Variants in BLK observed in about 807,000 individuals in gnomAD.
BLK encodes the protein BLK proto-oncogene, Src family tyrosine kinase.
A neutral mutation model predicts 61.8 loss-of-function variants in BLK; 64 were observed. That is an observed-to-expected ratio of 1.03 (90% confidence interval 0.85 to 1.27). The LOEUF is 1.27. BLK is among the 50% of genes most tolerant of loss of function. The pLI is 0.00. For missense variants in BLK, 853 were observed against 660.5 expected, an observed-to-expected ratio of 1.29 and a Z score of -3.19; for synonymous variants, 351 against 272.0, an observed-to-expected ratio of 1.29 and a Z score of -2.86.
At chr8:11,562,817 G>C (rs545981661) in intron 11 of BLK, among the ~76,000 whole-genome samples, 162 bp from the exon 12 acceptor site, 1 of 152,358 alleles carries the variant, frequency 6.6e-6, no homozygotes, top group African/African-American at 2.4e-5. Flanking sequence ...CATGTGTCCT[G>C]GTGTGCGGTA....
chr8:11,549,157 T>G (rs749084676), intron 5 of BLK, 35 bp downstream of exon 5: 29 of 1,545,256 alleles, frequency 1.9e-5, no homozygotes, highest in Non-Finnish European at 2.6e-5. Context: ...CGAGCCAAGA[T>G]GCAGTCACTG....
intron 1 of BLK, among the ~76,000 whole-genome samples, chr8:11,494,947 T>A (rs1798310016): frequency 6.6e-6 from 1 of 152,208 alleles, no homozygotes; most frequent in African/African-American, 2.4e-5. Context: ...GGCCTCTTGA[T>A]AGGAGGTGAT....
At chr8:11,500,278 C>T (rs914726136) in intron 1 of BLK, among the ~76,000 whole-genome samples, 1 of 152,142 alleles carries the variant, frequency 6.6e-6, no homozygotes, top group Non-Finnish European at 1.5e-5. Context: ...ACTACATCCT[C>T]CGCCTCCCGG....
intron 1 of BLK, among the ~76,000 whole-genome samples, chr8:11,517,107 T>C (rs539261420): frequency 7.2e-5 from 11 of 152,242 alleles, no homozygotes; most frequent in Non-Finnish European, 1.3e-4. Context: ...GTGGGCTGCC[T>C]TTGGGAATAG....
chr8:11,531,708 T>C (rs2117381011), intron 1 of BLK, among the ~76,000 whole-genome samples: 1 of 152,284 alleles, frequency 6.6e-6, no homozygotes, highest in Non-Finnish European at 1.5e-5. Flanking sequence ...TGCGTGCTAA[T>C]TTCTCCCCAG....
intron 1 of BLK, among the ~76,000 whole-genome samples, chr8:11,495,175 T>C (rs1045670203): frequency 3.3e-5 from 5 of 152,336 alleles, no homozygotes; most frequent in South Asian, 2.1e-4. Flanking sequence ...AAGGAAAGCA[T>C]AGTTGATCAC....
intron 4 of BLK, 118 bp from the exon 5 acceptor site, chr8:11,548,906 C>A: frequency 1.1e-6 from 1 of 925,804 alleles, no homozygotes; most frequent in Non-Finnish European, 1.7e-6. Context: ...GCCGTACTCT[C>A]TACCCCTGCG....
At chr8:11,507,281 A>G (rs932784318) in intron 1 of BLK, among the ~76,000 whole-genome samples, 4 of 152,220 alleles carry the variant, frequency 2.6e-5, no homozygotes, top group Non-Finnish European at 4.4e-5. Flanking sequence ...ACGATGGACT[A>G]GGATTGTAAA....
intron 3 of BLK, among the ~76,000 whole-genome samples, chr8:11,546,310 T>C (rs1278346307): frequency 6.6e-6 from 1 of 152,134 alleles, no homozygotes. Flanking sequence ...TGAGCCTGGG[T>C]GGGACTTTTA....
At chr8:11,518,418 T>C (rs1231266030) in intron 1 of BLK, among the ~76,000 whole-genome samples, 1 of 152,190 alleles carries the variant, frequency 6.6e-6, no homozygotes, top group African/African-American at 2.4e-5. Context: ...GACACCCCAC[T>C]GTAGGTGGAT....
intron 9 of BLK, 106 bp from the exon 10 acceptor site, chr8:11,557,856 C>A: frequency 1.1e-6 from 1 of 936,464 alleles, no homozygotes; most frequent in Non-Finnish European, 1.7e-6. Flanking sequence ...AGGGTGCAAA[C>A]TCCCACTTCC....
intron 1 of BLK, among the ~76,000 whole-genome samples, chr8:11,515,714 C>A (rs539582232): frequency 2.6e-5 from 4 of 152,132 alleles, no homozygotes; most frequent in African/African-American, 9.7e-5. Flanking sequence ...CAATTTTCCC[C>A]GCCACTGTAG....
chr8:11,532,996 T>C (rs1799951979), intron 1 of BLK, among the ~76,000 whole-genome samples: 1 of 152,240 alleles, frequency 6.6e-6, no homozygotes, highest in African/African-American at 2.4e-5. Flanking sequence ...GGAAGGTATA[T>C]GTCTGCTGTC....
chr8:11,501,561 C>T (rs1278613456), intron 1 of BLK, among the ~76,000 whole-genome samples: 2 of 152,146 alleles, frequency 1.3e-5, no homozygotes, highest in Non-Finnish European at 2.9e-5. Flanking sequence ...GTATTGTATA[C>T]ATACATAAGT....
rs145294586 is a variant in BLK at position 11,518,276 on chromosome 8, G to A, written c.-2+23685G>A. Among the ~76,000 whole-genome samples the A allele has an allele frequency of 3.7e-3, 567 of 152,262 alleles. 8 individuals are homozygous for A. The highest frequency in any genetic ancestry group is 2.6e-3 in the Admixed American group (40 of 15,292). ...GCACCAGATGGATTGCTTTTTAGAC[G>A]GTGCATCCTGTTAGAGCTTAGGCTT... On this transcript the variant is annotated intron_variant, in intron 1 of 12. Coordinates refer to ENST00000259089, the MANE Select transcript of BLK (RefSeq NM_001715.3).
intron 9 of BLK, among the ~76,000 whole-genome samples, chr8:11,557,488 G>C (rs950577112): frequency 7.9e-5 from 12 of 152,216 alleles, no homozygotes; most frequent in Non-Finnish European, 1.3e-4. Flanking sequence ...TCTGATTCCA[G>C]GGGGAGCTGC....
At chr8:11,562,816 T>C (rs1316350698) in intron 11 of BLK, among the ~76,000 whole-genome samples, 163 bp from the exon 12 acceptor site, 1 of 152,236 alleles carries the variant, frequency 6.6e-6, no homozygotes, top group Non-Finnish European at 1.5e-5. Flanking sequence ...TCATGTGTCC[T>C]GGTGTGCGGT....
intron 11 of BLK, among the ~76,000 whole-genome samples, 195 bp downstream of exon 11, chr8:11,561,647 A>G (rs1801511657): frequency 6.6e-6 from 1 of 152,130 alleles, no homozygotes; most frequent in Non-Finnish European, 1.5e-5. Context: ...GAGACCTCCC[A>G]TGGAGGAACA....
chr8:11,512,034 A>G (rs139304189), intron 1 of BLK, among the ~76,000 whole-genome samples: 1 of 152,364 alleles, frequency 6.6e-6, no homozygotes, highest in East Asian at 1.9e-4. Flanking sequence ...CATGTCTACA[A>G]TGTATCAAGT....
Sources: gnomAD v4.1 joint callset for allele counts (sites outside exome capture counted in the v4.1 genomes callset) on GRCh38, gnomAD v4.1.1 for gene constraint, MANE v1.5 for transcripts, NCBI Gene and HGNC (gene_info 2026-07-23, HGNC 2026-07-21) for gene names.